Variants in AKAP6 observed in about 807,000 individuals in gnomAD.
The protein encoded by AKAP6 is A-kinase anchoring protein 6, also known as A-kinase anchor protein 6.
A neutral mutation model predicts 188.5 loss-of-function variants in AKAP6; 58 were observed. The observed-to-expected ratio is 0.31, with a 90% CI of 0.25 to 0.38. AKAP6 has a LOEUF of 0.38. Among genes scored for constraint, AKAP6 ranks in the 10% least tolerant of loss-of-function variants. The pLI, the probability that AKAP6 is intolerant of heterozygous loss-of-function variation, is 1.00. For synonymous variants in AKAP6, 989 were observed against 998.6 expected (o/e 0.99, Z 0.18); for missense variants, 2,710 against 2,740.0 (o/e 0.99, Z 0.24).
At chr14:32,474,952 C>G (rs1191526118) in intron 2 of AKAP6, among the ~76,000 whole-genome samples, 2 of 151,946 alleles carry the variant, frequency 1.3e-5, no homozygotes, top group African/African-American at 4.8e-5. Flanking sequence ...AGCTGTAGCA[C>G]ATTTGTTCTC....
At chr14:32,356,870 C>T (rs755829498) in intron 1 of AKAP6, among the ~76,000 whole-genome samples, 30 of 152,056 alleles carry the variant, frequency 2.0e-4, no homozygotes, top group Non-Finnish European at 3.5e-4. Flanking sequence ...TCAAGATGGG[C>T]CCAAGTGCTG....
chr14:32,423,357 G>T (rs72666196), intron 1 of AKAP6, among the ~76,000 whole-genome samples: 2,942 of 152,052 alleles, frequency 0.019, 46 homozygotes, highest in Non-Finnish European at 0.029. Flanking sequence ...TTTTGTGTGT[G>T]TGTGTGGAGA....
At chr14:32,507,825 A>T (rs1347450897) in intron 2 of AKAP6, among the ~76,000 whole-genome samples, 1 of 152,222 alleles carries the variant, frequency 6.6e-6, no homozygotes, top group African/African-American at 2.4e-5. Flanking sequence ...GCCATGAGCA[A>T]AAGGCAAGAA....
intron 5 of AKAP6, among the ~76,000 whole-genome samples, chr14:32,578,587 G>T (rs1884831843): frequency 6.6e-6 from 1 of 152,102 alleles, no homozygotes; most frequent in African/African-American, 2.4e-5. Flanking sequence ...GTATTAATTA[G>T]AATGTCAACT....
intron 8 of AKAP6, among the ~76,000 whole-genome samples, chr14:32,695,589 C>T (rs936247072): frequency 7.9e-5 from 12 of 152,066 alleles, no homozygotes; most frequent in Non-Finnish European, 1.6e-4. Flanking sequence ...TTTGAGAGTG[C>T]TGTTCTTACC....
intron 2 of AKAP6, among the ~76,000 whole-genome samples, chr14:32,448,164 T>C (rs1274492209): frequency 6.6e-6 from 1 of 152,206 alleles, no homozygotes; most frequent in Admixed American, 6.5e-5. Context: ...CACATCTTAT[T>C]ACTAACTTTA....
chr14:32,759,944 T>A (rs927188162), intron 11 of AKAP6, among the ~76,000 whole-genome samples: 1 of 152,342 alleles, frequency 6.6e-6, no homozygotes, highest in Middle Eastern at 3.4e-3. Context: ...TTCTAACTCT[T>A]AATAAAATAC....
chr14:32,751,125 T>C (rs189217316), intron 11 of AKAP6, among the ~76,000 whole-genome samples: 58 of 151,408 alleles, frequency 3.8e-4, no homozygotes, highest in African/African-American at 1.4e-3. Context: ...TAAAAGTAAT[T>C]CAGAATTAAT....
chr14:32,405,355 CA>C (rs1889252373), intron 1 of AKAP6, among the ~76,000 whole-genome samples: 1 of 152,014 alleles, frequency 6.6e-6, no homozygotes, highest in Non-Finnish European at 1.5e-5. Flanking sequence ...TTGTACAGGA[CA>C]AAATTATTTT....
intron 11 of AKAP6, among the ~76,000 whole-genome samples, chr14:32,753,488 T>G (rs908962682): frequency 3.3e-5 from 5 of 152,188 alleles, no homozygotes; most frequent in African/African-American, 1.2e-4. Flanking sequence ...TTCACTCTGT[T>G]GATTGTTTCC....
intron 1 of AKAP6, among the ~76,000 whole-genome samples, chr14:32,365,259 A>G (rs1444189872): frequency 6.6e-6 from 1 of 152,198 alleles, no homozygotes; most frequent in Non-Finnish European, 1.5e-5. Flanking sequence ...AGTTACTTTA[A>G]TGATTAAGTC....
chr14:32,824,885 G>A, intron 13 of AKAP6, 70 bp downstream of exon 13: 1 of 1,286,390 alleles, frequency 7.8e-7, no homozygotes, highest in Non-Finnish European at 1.1e-6. Flanking sequence ...CATGGCAGGA[G>A]AAAAGGCTAG....
intron 7 of AKAP6, among the ~76,000 whole-genome samples, chr14:32,655,663 G>A (rs1356709957): frequency 6.6e-6 from 1 of 152,182 alleles, no homozygotes; most frequent in African/African-American, 2.4e-5. Flanking sequence ...GCAGATTAGA[G>A]AAAGCGTTTC....
At chr14:32,785,089 T>C (rs1267038427) in intron 12 of AKAP6, among the ~76,000 whole-genome samples, 2 of 152,142 alleles carry the variant, frequency 1.3e-5, no homozygotes, top group Non-Finnish European at 2.9e-5. Context: ...CAAGTTAGAC[T>C]GGATTGAATT....
chr14:32,625,371 A>G (rs1484443630), intron 7 of AKAP6, among the ~76,000 whole-genome samples: 1 of 152,092 alleles, frequency 6.6e-6, no homozygotes, highest in Non-Finnish European at 1.5e-5. Flanking sequence ...GTAATATATT[A>G]TGTTTTAAAT....
At chr14:32,581,737 A>C (rs1398847880) in intron 5 of AKAP6, among the ~76,000 whole-genome samples, 2 of 152,096 alleles carry the variant, frequency 1.3e-5, no homozygotes, top group Non-Finnish European at 2.9e-5. Context: ...TGGTCCCTTT[A>C]CCATTATGTA....
chr14:32,779,211 C>A (rs2033161935), intron 12 of AKAP6, among the ~76,000 whole-genome samples: 1 of 151,840 alleles, frequency 6.6e-6, no homozygotes, highest in Non-Finnish European at 1.5e-5. Flanking sequence ...GCCTGGGCAA[C>A]ATGGTGAAAC....
chr14:32,724,009 C>G (rs996749751), intron 9 of AKAP6, among the ~76,000 whole-genome samples: 1 of 152,280 alleles, frequency 6.6e-6, no homozygotes, highest in Non-Finnish European at 1.5e-5. Context: ...GAATCAGCCA[C>G]AGTGGGAGTA....
chr14:32,414,475 TG>T (rs767724207), intron 1 of AKAP6, among the ~76,000 whole-genome samples: 7 of 152,140 alleles, frequency 4.6e-5, no homozygotes, highest in Non-Finnish European at 1.0e-4. Context: ...ACATGACCCA[TG>T]TTTCAGGAAA....
Sources: allele counts gnomAD v4.1 joint callset (sites outside exome capture counted in the v4.1 genomes callset), GRCh38; gene constraint gnomAD v4.1.1; transcripts MANE v1.5; gene names NCBI Gene and HGNC (gene_info 2026-07-23, HGNC 2026-07-21).